The following ADAM17 variants were observed in gnomAD, a reference collection of about 807,000 sequenced individuals.
ADAM17 encodes ADAM metallopeptidase domain 17, also known as disintegrin and metalloproteinase domain-containing protein 17.
Under a neutral mutation model 96.7 loss-of-function variants are expected in ADAM17, and 39 were observed. That is an observed-to-expected ratio of 0.40 (90% CI 0.31 to 0.53). ADAM17 has a LOEUF of 0.53. ADAM17 is among the 20% of genes least tolerant of loss of function. ADAM17 has a pLI of 0.44. For missense variants in ADAM17, 777 were observed against 1,013.2 expected (o/e 0.77, Z 3.17); for synonymous variants, 344 against 359.2 (o/e 0.96, Z 0.48).
intron 6 of ADAM17, among the ~76,000 whole-genome samples, chr2:9,525,590 C>T (rs902826089): frequency 6.6e-6 from 1 of 152,192 alleles, no homozygotes; most frequent in Non-Finnish European, 1.5e-5. Context: ...AATCCAGTAT[C>T]ATCACTTCTT....
chr2:9,526,953 A>T (rs1438276878), intron 5 of ADAM17, among the ~76,000 whole-genome samples: 1 of 152,220 alleles, frequency 6.6e-6, no homozygotes, highest in Non-Finnish European at 1.5e-5. Context: ...TTAGTTTAAT[A>T]GGACAACTTT....
At chr2:9,505,064 C>T in intron 12 of ADAM17, 102 bp downstream of exon 12, 2 of 1,271,216 alleles carry the variant, frequency 1.6e-6, no homozygotes, top group Non-Finnish European at 2.2e-6. Context: ...CACACTCACA[C>T]CCCTTTCAGT....
intron 2 of ADAM17, among the ~76,000 whole-genome samples, chr2:9,541,015 T>G (rs865915011): frequency 1.3e-5 from 2 of 152,166 alleles, no homozygotes; most frequent in South Asian, 4.1e-4. Flanking sequence ...CTTGACCCAG[T>G]AATTCTCCTT....
intron 4 of ADAM17, 106 bp from the exon 5 acceptor site, chr2:9,528,060 G>A: frequency 9.1e-6 from 7 of 772,206 alleles, no homozygotes; most frequent in Non-Finnish European, 1.3e-5. Context: ...TCATTTCTAG[G>A]TTAAGTAAAC....
chr2:9,490,077 G>T lies in ADAM17; in HGVS notation c.*100C>A. 8.6e-7 allele frequency: 1 copy of T among 1,162,966 alleles called. No homozygotes were observed. Among genetic ancestry groups the T allele is most frequent in the Non-Finnish European group, 1.2e-6 (1 of 838,952 alleles). The allele number at this position is 1,162,966 out of a possible 1,614,324, so 72.0% of individuals were successfully genotyped here. A position where few individuals can be genotyped will look rare whatever the true frequency, so the allele number is the denominator to read the frequency against. The stretch of plus-strand genomic sequence containing the variant: ...CAAACACATGACCAGCATCTGCTAA[G>T]TCACTTCCCAGTCTTCACAAAATAC... On this transcript the variant is annotated 3_prime_UTR_variant, in exon 19 of 19. Coordinates refer to ENST00000310823, the MANE Select transcript of ADAM17 (RefSeq NM_003183.6).
intron 6 of ADAM17, 91 bp from the exon 7 acceptor site, chr2:9,523,429 T>C: frequency 2.5e-6 from 3 of 1,187,928 alleles, no homozygotes; most frequent in Non-Finnish European, 3.6e-6. Context: ...AGAAAAAATC[T>C]CAGTTTAGAG....
intron 2 of ADAM17, among the ~76,000 whole-genome samples, chr2:9,539,234 A>G (rs1419940926): frequency 1.3e-5 from 2 of 151,838 alleles, no homozygotes; most frequent in Non-Finnish European, 2.9e-5. Flanking sequence ...CAGCCTCCCA[A>G]ATAGCTGGGA....
chr2:9,538,707 T>C (rs2125037560), intron 2 of ADAM17, among the ~76,000 whole-genome samples: 1 of 152,352 alleles, frequency 6.6e-6, no homozygotes, highest in East Asian at 1.9e-4. Context: ...ATAAAATTCA[T>C]GTTTTTTGAT....
In ADAM17 at chr2:9,488,815, G is replaced by A. The variant is rs1661815815; in HGVS notation, c.*1362C>T. 6.6e-6 allele frequency: 1 copy of A among 152,242 alleles called. No individual in the cohort carries two copies. The highest frequency in any genetic ancestry group is 6.5e-5 in the Admixed American group (1 of 15,278). The allele number at this position is 152,242 out of a possible 1,614,324, so 9.4% of individuals were successfully genotyped here. On this transcript the variant is annotated 3_prime_UTR_variant, in exon 19 of 19. Transcript: ENST00000310823. Reference sequence around the variant, plus strand: ...CAAATGTCCTTGGAAATGGGGGGTAGGAGGAGATATGATTAGTCACAGGTT... The same window carrying A: ...CAAATGTCCTTGGAAATGGGGGGTAAGAGGAGATATGATTAGTCACAGGTT...
At chr2:9,545,795 G>T (rs541949734) in intron 1 of ADAM17, among the ~76,000 whole-genome samples, 2 of 152,002 alleles carry the variant, frequency 1.3e-5, no homozygotes, top group Non-Finnish European at 2.9e-5. Flanking sequence ...GTTCACAAAA[G>T]GTTTTTAAGA....
At chr2:9,517,528 T>C (rs528669432) in intron 10 of ADAM17, among the ~76,000 whole-genome samples, 22 of 152,292 alleles carry the variant, frequency 1.4e-4, no homozygotes, top group Admixed American at 8.5e-4. Flanking sequence ...ACCAAAATGA[T>C]GGCACTGAGA....
chr2:9,521,528 T>C (rs973113524), intron 7 of ADAM17: 1 of 244,378 alleles, frequency 4.1e-6, no homozygotes, highest in African/African-American at 2.3e-5. Flanking sequence ...GAATTATTTA[T>C]AATATTATAA....
chr2:9,503,490 T>TA (rs1393747442), intron 12 of ADAM17, among the ~76,000 whole-genome samples: 1 of 152,142 alleles, frequency 6.6e-6, no homozygotes, highest in South Asian at 2.1e-4. Context: ...GATGTAGCCA[T>TA]AAAAAAACCT....
At chr2:9,491,194 T>C in intron 17 of ADAM17, 43 bp from the exon 18 acceptor site, 1 of 1,565,094 alleles carries the variant, frequency 6.4e-7, no homozygotes, top group Non-Finnish European at 8.8e-7. Context: ...CAAATACAAT[T>C]CAGTTAGTGA....
chr2:9,519,753 AG>A (rs1664233007), intron 8 of ADAM17, among the ~76,000 whole-genome samples: 1 of 151,912 alleles, frequency 6.6e-6, no homozygotes, highest in Admixed American at 6.5e-5. Context: ...GTGAGAACAC[AG>A]GGAGAAGACA....
intron 2 of ADAM17, among the ~76,000 whole-genome samples, chr2:9,542,210 T>C (rs1665232628): frequency 6.6e-6 from 1 of 151,854 alleles, no homozygotes; most frequent in Non-Finnish European, 1.5e-5. Flanking sequence ...TCCATCAATT[T>C]ATGCTAAGAA....
chr2:9,542,942 CAT>C (rs1354152376), intron 2 of ADAM17, among the ~76,000 whole-genome samples: 8 of 152,228 alleles, frequency 5.3e-5, no homozygotes, highest in Admixed American at 1.3e-4. Flanking sequence ...AAGCAATCCA[CAT>C]GTCTTGGCCC....
chr2:9,493,833 GA>G lies in ADAM17; in HGVS notation c.1915-9del, dbSNP rs781236050. On this transcript the variant is annotated splice_polypyrimidine_tract_variant and intron_variant, in intron 15 of 18. Transcript: ENST00000310823. The stretch of plus-strand genomic sequence containing the variant: ...TCGTTTCTCACATTTGCCCTATGAA[GA>G]AAAAACATACATACAGCATCATTCC... 8.7e-6 allele frequency: 14 copies of G among 1,610,304 alleles called. No individual in the cohort carries two copies. The South Asian group carries it at 1.3e-4, about 15-fold the overall frequency.
Position 9,488,772 on chromosome 2 carries a change from T to C in ADAM17, c.*1405A>G, listed in dbSNP as rs907728047. The C allele has an allele frequency of 2.0e-5, 3 of 152,490 alleles. No homozygotes were observed. The highest frequency in any genetic ancestry group is 2.9e-5 in the Non-Finnish European group (2 of 68,270). The allele number at this position is 152,490 out of a possible 1,614,324, so 9.4% of individuals were successfully genotyped here. A position where few individuals can be genotyped will look rare whatever the true frequency, so the allele number is the denominator to read the frequency against. On this transcript the variant is annotated 3_prime_UTR_variant, in exon 19 of 19. Coordinates refer to ENST00000310823, the MANE Select transcript of ADAM17 (RefSeq NM_003183.6). ...TAAGGTACAAGTTCAAGTATTAGTA[T>C]AACAAGTATCTGAGTAACAAATGTC...
Sources: allele counts gnomAD v4.1 joint callset (sites outside exome capture counted in the v4.1 genomes callset), GRCh38; gene constraint gnomAD v4.1.1; transcripts MANE v1.5; gene names NCBI Gene and HGNC (gene_info 2026-07-23, HGNC 2026-07-21).